Variants in PIGU observed in about 807,000 individuals in gnomAD.
PIGU encodes phosphatidylinositol glycan anchor biosynthesis class U, also known as GPI-anchor transamidase component PIGU.
Under a neutral mutation model 49.9 loss-of-function variants are expected in PIGU, and 24 were observed. The ratio of observed to expected loss-of-function variants is 0.48; its 90% CI spans 0.35 to 0.68. The LOEUF is 0.68. PIGU is among the 30% of genes least tolerant of loss of function. PIGU has a pLI of 0.01. For missense variants in PIGU, 490 were observed against 532.6 expected (o/e 0.92, Z 0.79); for synonymous variants, 220 against 205.7 (o/e 1.07, Z -0.59).
intron 11 of PIGU, among the ~76,000 whole-genome samples, chr20:34,568,016 G>A (rs1316233927): frequency 2.0e-5 from 3 of 152,096 alleles, no homozygotes; most frequent in Non-Finnish European, 2.9e-5. Context: ...TCCACAGACC[G>A]AGGGCTCCTT....
At chr20:34,604,294 A>G (rs1984536232) in intron 7 of PIGU, among the ~76,000 whole-genome samples, 2 of 152,166 alleles carry the variant, frequency 1.3e-5, no homozygotes, top group Admixed American at 1.3e-4. Flanking sequence ...CCAAGTCTCT[A>G]CAGCACTAGG....
At chr20:34,596,070 C>A (rs1600612648) in intron 7 of PIGU, among the ~76,000 whole-genome samples, 1 of 152,274 alleles carries the variant, frequency 6.6e-6, no homozygotes, top group Non-Finnish European at 1.5e-5. Flanking sequence ...AGTGGAGAAA[C>A]CTGGCAGACA....
In PIGU at chr20:34,581,605, C is replaced by T. The variant is rs1273889863; in HGVS notation, c.994G>A (p.Val332Met). 6.2e-7 allele frequency: 1 copy of T among 1,614,054 alleles called. No individual in the cohort carries two copies. The highest frequency in any genetic ancestry group is 1.1e-5 in the South Asian group (1 of 91,052). ...VIAIFKSYPT[V>M]GDVALYMAFF... ...GCCATGTAGAGCGCCACGTCCCCCA[C>T]TGTCGGGTAGGACTTAAAGATGGCG... is the stretch of plus-strand genomic sequence containing the variant. The change falls in exon 10 of 12, where the codon GTG (valine) becomes ATG (methionine). Residue 332 changes from valine (V) to methionine (M), a missense_variant. Physicochemically the swap from Val to Met is conservative, Grantham distance 21 (BLOSUM62 1). Transcript: ENST00000217446.
rs1279073856 is a variant in PIGU, at chr20:34,611,125, A to G, written c.627+4917T>C. ...CCTAGAAGAAAACCTAGGCAGTACC[A>G]TTCAGGACATAGGCATGGGCAAAGA... On this transcript the variant is annotated intron_variant, in intron 7 of 11. Coordinates refer to ENST00000217446, the MANE Select transcript of PIGU (RefSeq NM_080476.5). Among the ~76,000 whole-genome samples, 4 of 152,230 alleles carry G rather than the reference A, an allele frequency of 2.6e-5. No homozygotes were observed. In the South Asian group the frequency reaches 6.2e-4, roughly 24 times the overall value.
intron 6 of PIGU, among the ~76,000 whole-genome samples, chr20:34,622,521 A>C (rs904117639): frequency 1.3e-5 from 2 of 151,310 alleles, no homozygotes; most frequent in Non-Finnish European, 2.9e-5. Flanking sequence ...CGTCTCAAAA[A>C]AAACAAAAAC....
At chr20:34,637,740 G>C in intron 5 of PIGU, 136 bp downstream of exon 5, 1 of 1,495,712 alleles carries the variant, frequency 6.7e-7, no homozygotes, top group Non-Finnish European at 8.9e-7. Context: ...GAGCCCAGTT[G>C]TGCAACAGAA....
intron 11 of PIGU, among the ~76,000 whole-genome samples, chr20:34,562,998 A>G (rs1982591564): frequency 6.6e-6 from 1 of 152,200 alleles, no homozygotes; most frequent in African/African-American, 2.4e-5. Context: ...AAGCAACTCC[A>G]TGTCACACAA....
intron 1 of PIGU, among the ~76,000 whole-genome samples, chr20:34,663,960 T>G (rs1288757501): frequency 6.6e-6 from 1 of 152,232 alleles, no homozygotes; most frequent in African/African-American, 2.4e-5. Context: ...GCACAACTTT[T>G]AGGCAATTGC....
At chr20:34,630,834 G>A (rs34502964) in intron 6 of PIGU, among the ~76,000 whole-genome samples, 20,726 of 151,744 alleles carry the variant, frequency 0.14, 1,995 homozygotes, top group Non-Finnish European at 0.21. Flanking sequence ...TTGTAGAGAC[G>A]AGGTCTCACT....
chr20:34,568,106 T>C (rs1982852419), intron 11 of PIGU, among the ~76,000 whole-genome samples: 1 of 152,076 alleles, frequency 6.6e-6, no homozygotes, highest in Non-Finnish European at 1.5e-5. Context: ...TGCAAATAAA[T>C]AAATTAGCTT....
At chr20:34,645,438 T>G (rs1986312077) in intron 2 of PIGU, 104 bp from the exon 3 acceptor site, 4 of 1,337,212 alleles carry the variant, frequency 3.0e-6, no homozygotes, top group Admixed American at 7.0e-5. Flanking sequence ...AGCAAACTAT[T>G]ATGCTAGTAT....
chr20:34,600,540 C>G (rs1489962484), intron 7 of PIGU, among the ~76,000 whole-genome samples: 1 of 151,800 alleles, frequency 6.6e-6, no homozygotes, highest in Non-Finnish European at 1.5e-5. Flanking sequence ...CTTGATCTTC[C>G]TCCTGAAAAA....
At chr20:34,615,267 T>C (rs1447899031) in intron 7 of PIGU, among the ~76,000 whole-genome samples, 2 of 152,182 alleles carry the variant, frequency 1.3e-5, no homozygotes, top group Admixed American at 6.5e-5. Context: ...TCTCAGTAAA[T>C]GTCAGCAATT....
intron 4 of PIGU, 29 bp from the exon 5 acceptor site, chr20:34,638,014 A>G: frequency 6.4e-7 from 1 of 1,558,436 alleles, no homozygotes; most frequent in Non-Finnish European, 8.6e-7. Flanking sequence ...GGAAAAGATA[A>G]AACACATGAA....
chr20:34,621,529 T>C (rs1985232370), intron 6 of PIGU, among the ~76,000 whole-genome samples: 2 of 151,728 alleles, frequency 1.3e-5, no homozygotes, highest in Non-Finnish European at 2.9e-5. Context: ...GAAGTCTGAG[T>C]GTGGGATGCT....
rs573421421 is a variant in PIGU at position 34,596,487 on chromosome 20, G to A, written c.628-7880C>T. Among the ~76,000 whole-genome samples the A allele has an allele frequency of 1.2e-3, 189 of 152,256 alleles. 1 individual carries two copies. Among genetic ancestry groups the A allele is most frequent in the African/African-American group, 4.3e-3 (180 of 41,550 alleles). ...ATAACTGTATATGGTTATATAAAAT[G>A]TTAACATTAGCGGAAGTGGAGTGAG... is the stretch of plus-strand genomic sequence containing the variant. On this transcript the variant is annotated intron_variant, in intron 7 of 11. Coordinates refer to ENST00000217446, the MANE Select transcript of PIGU (RefSeq NM_080476.5).
At chr20:34,657,446 C>T (rs190116657) in intron 1 of PIGU, among the ~76,000 whole-genome samples, 1 of 152,286 alleles carries the variant, frequency 6.6e-6, no homozygotes. Context: ...TTGTGGGCAG[C>T]ACTCATTATA....
At position 34,586,031 on chromosome 20, in the gene PIGU, C is replaced by A. The variant is rs376103974; in HGVS notation, c.783-451G>T. Among the ~76,000 whole-genome samples, 21 of 152,274 alleles carry A rather than the reference C, an allele frequency of 1.4e-4. No homozygotes were observed. The East Asian group carries it at 3.1e-3, about 22-fold the overall frequency. On this transcript the variant is annotated intron_variant, in intron 8 of 11. Transcript: ENST00000217446. ...ACACCCCACAGCAGGAGTCAGAAAA[C>A]CGAGTGCCTGAGACCGAAGTGAGAC...
At chr20:34,564,315 T>C (rs1982653051) in intron 11 of PIGU, among the ~76,000 whole-genome samples, 1 of 152,256 alleles carries the variant, frequency 6.6e-6, no homozygotes, top group African/African-American at 2.4e-5. Context: ...AACTCTGTTC[T>C]ATCTCTGCAA....
Sources: allele counts gnomAD v4.1 joint callset (sites outside exome capture counted in the v4.1 genomes callset), GRCh38; gene constraint gnomAD v4.1.1; transcripts MANE v1.5; gene names NCBI Gene and HGNC (gene_info 2026-07-23, HGNC 2026-07-21).